The following EML5 variants were observed in gnomAD, a reference collection of about 807,000 sequenced individuals.
EML5 encodes echinoderm microtubule-associated protein-like 5.
EML5 carries 120 observed loss-of-function variants against 250.0 expected under a neutral mutation model. The observed-to-expected ratio is 0.48, with a 90% CI of 0.41 to 0.56. The LOEUF (loss-of-function observed/expected upper bound fraction) is 0.56, where lower values mean the gene tolerates loss of function less well. Among genes scored for constraint, EML5 ranks in the 20% least tolerant of loss-of-function variants. The probability of loss-of-function intolerance (pLI) is 0.00; values close to 1 mark genes in which losing one functional copy is unlikely to be tolerated. For missense variants in EML5, 2,006 were observed against 2,437.6 expected (o/e 0.82, Z 3.73); for synonymous variants, 771 against 806.5 (o/e 0.96, Z 0.75).
intron 10 of EML5, among the ~76,000 whole-genome samples, chr14:88,710,833 T>C (rs1181809959): frequency 6.6e-6 from 1 of 152,192 alleles, no homozygotes; most frequent in African/African-American, 2.4e-5. Flanking sequence ...CTAATTTTCT[T>C]AGGCTTTGGT....
At chr14:88,695,096 C>T (rs753243122) in intron 16 of EML5, among the ~76,000 whole-genome samples, 33 of 152,002 alleles carry the variant, frequency 2.2e-4, no homozygotes, top group Non-Finnish European at 4.7e-4. Context: ...CAGTAGAACA[C>T]ATTCTAACTG....
chr14:88,721,921 G>GA (rs1416410758), intron 8 of EML5, among the ~76,000 whole-genome samples: 1 of 151,828 alleles, frequency 6.6e-6, no homozygotes, highest in South Asian at 2.1e-4. Flanking sequence ...AAATTTACAA[G>GA]AAAAAAACAA....
intron 41 of EML5, 171 bp from the exon 42 acceptor site, chr14:88,617,050 C>G: frequency 2.1e-6 from 1 of 486,362 alleles, no homozygotes; most frequent in Non-Finnish European, 3.6e-6. Context: ...GATATCAACT[C>G]CTGCCTTTTA....
At chr14:88,773,593 A>G (rs1385960093) in intron 1 of EML5, among the ~76,000 whole-genome samples, 3 of 152,210 alleles carry the variant, frequency 2.0e-5, no homozygotes, top group Admixed American at 6.5e-5. Context: ...TGCATATTAC[A>G]ATCATTTGGG....
chr14:88,699,201 T>C (rs1299179453), intron 14 of EML5, among the ~76,000 whole-genome samples: 2 of 151,948 alleles, frequency 1.3e-5, no homozygotes, highest in African/African-American at 4.8e-5. Flanking sequence ...TGAATAGAAG[T>C]GGAGGGGAAG....
At chr14:88,653,731 T>C (rs1337278673) in intron 27 of EML5, among the ~76,000 whole-genome samples, 6 of 152,110 alleles carry the variant, frequency 3.9e-5, no homozygotes, top group Admixed American at 3.3e-4. Flanking sequence ...CATCGATGTT[T>C]ACCAGGCATA....
intron 17 of EML5, among the ~76,000 whole-genome samples, chr14:88,693,686 T>G (rs998786449): frequency 6.6e-6 from 1 of 151,862 alleles, no homozygotes; most frequent in Non-Finnish European, 1.5e-5. Flanking sequence ...TAGATAATTT[T>G]AGATTTCCAG....
chr14:88,755,282 C>T (rs1279295232), intron 1 of EML5, among the ~76,000 whole-genome samples: 1 of 152,192 alleles, frequency 6.6e-6, no homozygotes, highest in Non-Finnish European at 1.5e-5. Context: ...TGGATCACAG[C>T]AACAAATTGG....
At chr14:88,703,377 T>C (rs1470399834) in intron 13 of EML5, among the ~76,000 whole-genome samples, 1 of 152,192 alleles carries the variant, frequency 6.6e-6, no homozygotes, top group Non-Finnish European at 1.5e-5. Context: ...AACTGTACCC[T>C]TTTATACACA....
chr14:88,767,179 T>C (rs1480566449), intron 1 of EML5, among the ~76,000 whole-genome samples: 2 of 152,204 alleles, frequency 1.3e-5, no homozygotes, highest in African/African-American at 4.8e-5. Flanking sequence ...AAGGTACATA[T>C]CCCTGCCCTC....
In EML5 at chr14:88,695,211, ATGAT is replaced by A; in HGVS notation, c.2438+146_2438+149del. The A allele has an allele frequency of 1.4e-4, 48 of 346,720 alleles. 9 individuals carry two copies. Among genetic ancestry groups the A allele is most frequent in the East Asian group, 5.2e-4 (7 of 13,378 alleles). The allele number at this position is 346,720 out of a possible 1,614,324, so 21.5% of individuals were successfully genotyped here. ...CAAAGAAATTCTGAAATCATTTACTATGATTATATTATTTATTCAATGGTAATAA... is the reference window on the plus strand; with the variant it reads ...CAAAGAAATTCTGAAATCATTTACTATATATTATTTATTCAATGGTAATAA... On this transcript the variant is annotated intron_variant, in intron 16 of 43. Coordinates refer to ENST00000554922, the MANE Select transcript of EML5 (RefSeq NM_183387.3).
At chr14:88,638,680 G>C (rs992255591) in intron 32 of EML5, 129 bp downstream of exon 32, 2 of 759,044 alleles carry the variant, frequency 2.6e-6, no homozygotes, top group African/African-American at 3.5e-5. Context: ...AATTGGGTAG[G>C]GCTTTATGTA....
chr14:88,758,967 AAGT>A (rs2094200159), intron 1 of EML5, among the ~76,000 whole-genome samples: 2 of 152,216 alleles, frequency 1.3e-5, no homozygotes, highest in African/African-American at 4.8e-5. Flanking sequence ...TCCATAAAGA[AAGT>A]AGATTAGTGA....
In EML5 at chr14:88,704,961, T is replaced by C; in HGVS notation, c.1950A>G (p.Leu650=). ...CTTTGCACTGTTCTTTAAGCTGAGG[T>C]AGATCTTCTTTGTAAACCTTTAAAA... ...TYRRQVYKED[L]PQLKEQCKEK... The change falls in exon 13 of 44, where the codon CTA becomes CTG. Residue 650 remains leucine (L), a synonymous_variant. Coordinates refer to ENST00000554922, the MANE Select transcript of EML5 (RefSeq NM_183387.3). 6.2e-7 allele frequency: 1 copy of C among 1,611,080 alleles called. No homozygotes were observed. The highest frequency in any genetic ancestry group is 1.1e-5 in the South Asian group (1 of 90,766).
At position 88,651,678 on chromosome 14, in the gene EML5, T is replaced by C. The variant is rs2091635116; in HGVS notation, c.4005-1752A>G. On this transcript the variant is annotated intron_variant, in intron 27 of 43. Transcript: ENST00000554922. The stretch of plus-strand genomic sequence containing the variant: ...ATTTTCCTTAAGTCATATTAAACAC[T>C]ACACTTCAAATATTCTAATTAGAAT... Among the ~76,000 whole-genome samples, 4 of 152,154 alleles carry C rather than the reference T, an allele frequency of 2.6e-5. No individual in the cohort carries two copies. In the Middle Eastern group the frequency reaches 0.01, roughly 391 times the overall value.
intron 8 of EML5, among the ~76,000 whole-genome samples, chr14:88,723,423 T>C (rs1257959955): frequency 2.0e-5 from 3 of 152,100 alleles, no homozygotes; most frequent in African/African-American, 7.2e-5. Context: ...AGAGAGTAGA[T>C]TGGTGGTTAA....
In EML5 at chr14:88,698,337, C is replaced by T. The variant is rs540568096; in HGVS notation, c.2239-1385G>A. On this transcript the variant is annotated intron_variant, in intron 14 of 43. Transcript: ENST00000554922. Reference sequence around the variant, plus strand: ...CTGAAGTGAAATGGCATGATGTTGGCTCACTGCGACCTCCGCCTCCCAGGC... The same window carrying T: ...CTGAAGTGAAATGGCATGATGTTGGTTCACTGCGACCTCCGCCTCCCAGGC... Among the ~76,000 whole-genome samples the T allele has an allele frequency of 1.0e-4, 15 of 143,194 alleles. No individual in the cohort carries two copies. In the East Asian group the frequency reaches 1.8e-3, roughly 17 times the overall value. 93.9% of individuals were successfully genotyped at this position (143,194 alleles called of 152,430 possible).
At chr14:88,738,229 A>G (rs1395250810) in intron 6 of EML5, among the ~76,000 whole-genome samples, 2 of 152,178 alleles carry the variant, frequency 1.3e-5, no homozygotes, top group African/African-American at 4.8e-5. Flanking sequence ...ATATCAATTC[A>G]TATATAGGAT....
intron 37 of EML5, chr14:88,621,997 T>C: frequency 2.5e-6 from 1 of 400,656 alleles, no homozygotes; most frequent in South Asian, 1.9e-5. Context: ...CTGTGTAAAC[T>C]TGTATCCTTT....
Sources: gnomAD v4.1 joint callset for allele counts (sites outside exome capture counted in the v4.1 genomes callset) on GRCh38, gnomAD v4.1.1 for gene constraint, MANE v1.5 for transcripts, NCBI Gene and HGNC (gene_info 2026-07-23, HGNC 2026-07-21) for gene names.